Variants in P2RY12 observed in about 807,000 individuals in gnomAD.
The protein encoded by P2RY12 is purinergic receptor P2Y12.
P2RY12 carries 3 observed loss-of-function variants against 4.5 expected under a neutral mutation model. The observed-to-expected ratio is 0.67, with a 90% CI of 0.31 to 1.74. The LOEUF (loss-of-function observed/expected upper bound fraction) is 1.74, where lower values mean the gene tolerates loss of function less well. Ranked by LOEUF, P2RY12 falls within the 40% of genes most tolerant of loss-of-function variation. The pLI is 0.09. For missense variants in P2RY12, 356 were observed against 407.8 expected (o/e 0.87, Z 1.09); for synonymous variants, 148 against 154.1 (o/e 0.96, Z 0.29).
chr3:151,349,542 C>T (rs1258848390), intron 1 of P2RY12, among the ~76,000 whole-genome samples: 1 of 152,102 alleles, frequency 6.6e-6, no homozygotes, highest in Admixed American at 6.5e-5. Context: ...CCTTGGCCTC[C>T]CAAAGCACTG....
At position 151,337,437 on chromosome 3, in the gene P2RY12, A is replaced by G. The variant is rs1427705189; in HGVS notation, c.*380T>C. Reference sequence around the variant, plus strand: ...TTGGTAAGAAGATTATATCCAATTGATCGTTCTTCCTTAGTTGATTATGAA... The same window carrying G: ...TTGGTAAGAAGATTATATCCAATTGGTCGTTCTTCCTTAGTTGATTATGAA... On this transcript the variant is annotated 3_prime_UTR_variant, in exon 3 of 3. Coordinates refer to ENST00000302632, the MANE Select transcript of P2RY12 (RefSeq NM_022788.5). 2.0e-5 allele frequency: 4 copies of G among 204,424 alleles called. No individual in the cohort carries two copies. Among genetic ancestry groups the G allele is most frequent in the Non-Finnish European group, 3.0e-5 (3 of 99,592 alleles). 12.7% of individuals were successfully genotyped at this position (204,424 alleles called of 1,614,324 possible).
rs371451667 is a variant in P2RY12, at chr3:151,367,633, G to A, written c.-180+17059C>T. ...TTGTTAGGTATTAAAACCTGTCAATGTTTTTCTTGAAGGTGAGTGACCTTT... is the reference window on the plus strand; with the variant it reads ...TTGTTAGGTATTAAAACCTGTCAATATTTTTCTTGAAGGTGAGTGACCTTT... On this transcript the variant is annotated intron_variant, in intron 1 of 2. Coordinates refer to ENST00000302632, the MANE Select transcript of P2RY12 (RefSeq NM_022788.5). The A allele has an allele frequency of 1.6e-5, 25 of 1,597,346 alleles. No homozygotes were observed. The African/African-American group carries it at 2.0e-4, about 13-fold the overall frequency.
intron 1 of P2RY12, chr3:151,368,377 A>C (rs1755545215): frequency 1.4e-6 from 1 of 737,832 alleles, no homozygotes; most frequent in Admixed American, 2.1e-5. Flanking sequence ...GGGGGTGATG[A>C]AGGGTGAGAT....
intron 1 of P2RY12, among the ~76,000 whole-genome samples, chr3:151,374,089 C>A (rs1274588328): frequency 1.3e-5 from 2 of 152,162 alleles, no homozygotes; most frequent in Non-Finnish European, 2.9e-5. Flanking sequence ...TTAGTATCAC[C>A]TTCTTCCCTA....
At chr3:151,349,894 A>G (rs1325981420) in intron 1 of P2RY12, among the ~76,000 whole-genome samples, 1 of 150,682 alleles carries the variant, frequency 6.6e-6, no homozygotes, top group Non-Finnish European at 1.5e-5. Flanking sequence ...TCCAAACTGG[A>G]AAAACAAGGG....
At chr3:151,381,938 A>G (rs1006322052) in intron 1 of P2RY12, among the ~76,000 whole-genome samples, 1 of 152,180 alleles carries the variant, frequency 6.6e-6, no homozygotes, top group African/African-American at 2.4e-5. Flanking sequence ...ATTAATGACC[A>G]TATTTCAGAG....
chr3:151,350,735 A>G (rs1456057315), intron 1 of P2RY12, among the ~76,000 whole-genome samples: 2 of 151,826 alleles, frequency 1.3e-5, no homozygotes, highest in African/African-American at 4.9e-5. Flanking sequence ...TATATCTCCA[A>G]ATGATTTCAA....
At chr3:151,350,765 G>A (rs1753127312) in intron 1 of P2RY12, among the ~76,000 whole-genome samples, 1 of 152,084 alleles carries the variant, frequency 6.6e-6, no homozygotes, top group African/African-American at 2.4e-5. Flanking sequence ...TTTGATCTTT[G>A]CTCTATAATG....
intron 2 of P2RY12, among the ~76,000 whole-genome samples, chr3:151,339,387 G>A (rs1388626): frequency 0.85 from 127,974 of 150,886 alleles, 54,307 homozygotes; most frequent in Middle Eastern, 0.95. Flanking sequence ...GAAATTGATG[G>A]AAAATTACTC....
chr3:151,362,111 C>G (rs1271688635), intron 1 of P2RY12, among the ~76,000 whole-genome samples: 1 of 151,974 alleles, frequency 6.6e-6, no homozygotes, highest in Non-Finnish European at 1.5e-5. Flanking sequence ...ATCTCTAGAA[C>G]CTGCCCATTC....
intron 1 of P2RY12, among the ~76,000 whole-genome samples, chr3:151,375,704 A>G (rs1163915171): frequency 2.0e-5 from 3 of 152,134 alleles, no homozygotes; most frequent in Non-Finnish European, 4.4e-5. Context: ...TTATATAGCA[A>G]GTTAGAAAAA....
At chr3:151,357,163 CTATT>C in intron 1 of P2RY12, 1 of 1,420,948 alleles carries the variant, frequency 7.0e-7, no homozygotes, top group Non-Finnish European at 9.6e-7. Flanking sequence ...AATGTTTTCT[CTATT>C]TGTTTTGGCA....
chr3:151,351,681 A>AGG (rs1313766031), intron 1 of P2RY12, among the ~76,000 whole-genome samples: 1 of 152,306 alleles, frequency 6.6e-6, no homozygotes, highest in African/African-American at 2.4e-5. Context: ...GCAATGGGGT[A>AGG]GGGGGGAGTC....
At chr3:151,354,138 C>G (rs1236833113) in intron 1 of P2RY12, among the ~76,000 whole-genome samples, 16 of 34,884 alleles carry the variant, frequency 4.6e-4, no homozygotes, top group African/African-American at 1.6e-3. Context: ...GAGACTCCGT[C>G]TCAAAAAAAA....
intron 1 of P2RY12, chr3:151,377,114 C>G: frequency 1.2e-6 from 2 of 1,614,020 alleles, no homozygotes; most frequent in South Asian, 2.2e-5. Context: ...CCTCTTCAAC[C>G]CAAACAGTAT....
At chr3:151,339,785 T>C (rs1328131787) in intron 2 of P2RY12, among the ~76,000 whole-genome samples, 2 of 46,054 alleles carry the variant, frequency 4.3e-5, no homozygotes, top group East Asian at 1.2e-3. Context: ...AATAGGCAGC[T>C]ATAATGAAAA....
intron 1 of P2RY12, chr3:151,377,986 G>A (rs372921912): frequency 3.5e-5 from 54 of 1,559,284 alleles, no homozygotes; most frequent in African/African-American, 1.6e-4. Flanking sequence ...TGCTTTCTCC[G>A]GTGTAACACC....
intron 1 of P2RY12, chr3:151,355,294 A>T (rs568538709): frequency 4.8e-5 from 60 of 1,251,110 alleles, no homozygotes; most frequent in African/African-American, 4.5e-4. Context: ...TTACTTAAAA[A>T]TTTTTTTCAT....
In P2RY12 at chr3:151,338,044, A is replaced by G. The variant is rs1317445792; in HGVS notation, c.802T>C (p.Phe268Leu). 1 of 1,614,132 alleles carries G rather than the reference A, an allele frequency of 6.2e-7. No individual in the cohort carries two copies. The highest frequency in any genetic ancestry group is 1.3e-5 in the African/African-American group (1 of 75,064). Residue 268 changes from phenylalanine to leucine, a missense_variant, in exon 3 of 3, where the codon TTT becomes CTT. Transcript: ENST00000302632. Reference protein sequence around the residue: ...PYTLSQTRDVFDCTAENTLFY... With the variant: ...PYTLSQTRDVLDCTAENTLFY... ...AGAGTATTTTCAGCAGTGCAGTCAA[A>G]GACATCCCGGGTTTGGCTCAGGGTG...
Sources: allele counts gnomAD v4.1 joint callset (sites outside exome capture counted in the v4.1 genomes callset), GRCh38; gene constraint gnomAD v4.1.1; transcripts MANE v1.5; gene names NCBI Gene and HGNC (gene_info 2026-07-23, HGNC 2026-07-21).